The following DNM3 variants were observed in gnomAD, a reference collection of about 807,000 sequenced individuals.
DNM3 encodes the protein dynamin 3.
Under a neutral mutation model 101.6 loss-of-function variants are expected in DNM3, and 47 were observed. The observed-to-expected ratio is 0.46, with a 90% CI of 0.37 to 0.59. DNM3 has a LOEUF of 0.59. Among genes scored for constraint, DNM3 ranks in the 20% least tolerant of loss-of-function variants. The pLI, the probability that DNM3 is intolerant of heterozygous loss-of-function variation, is 0.00. For synonymous variants in DNM3, 385 were observed against 387.9 expected (o/e 0.99, Z 0.09); for missense variants, 849 against 1,085.7 (o/e 0.78, Z 3.06).
At chr1:171,926,308 A>G (rs1571650395) in intron 2 of DNM3, among the ~76,000 whole-genome samples, 1 of 152,218 alleles carries the variant, frequency 6.6e-6, no homozygotes, top group South Asian at 2.1e-4. Context: ...TTTGGGCAGT[A>G]TAGTCATTTT....
At chr1:172,224,721 G>T in intron 14 of DNM3, among the ~76,000 whole-genome samples, 1 of 152,176 alleles carries the variant, frequency 6.6e-6, no homozygotes. Context: ...ATAGTTTGTG[G>T]TTTTCAAACT....
At chr1:172,120,009 C>T (rs1177734146) in intron 13 of DNM3, among the ~76,000 whole-genome samples, 1 of 152,192 alleles carries the variant, frequency 6.6e-6, no homozygotes, top group Non-Finnish European at 1.5e-5. Flanking sequence ...AGTCAACTAT[C>T]AATCACCCTG....
At chr1:172,231,019 G>C (rs933742221) in intron 14 of DNM3, among the ~76,000 whole-genome samples, 1 of 151,646 alleles carries the variant, frequency 6.6e-6, no homozygotes, top group Non-Finnish European at 1.5e-5. Context: ...TAGGAGTTCA[G>C]CTCCTAGATG....
chr1:171,935,769 CTTTTTT>C (rs551030808), intron 2 of DNM3, among the ~76,000 whole-genome samples: 17 of 47,990 alleles, frequency 3.5e-4, no homozygotes, highest in Non-Finnish European at 6.2e-4. Context: ...CAAATCAAAA[CTTTTTT>C]TTTTTTTTTT....
intron 17 of DNM3, among the ~76,000 whole-genome samples, chr1:172,378,617 C>A (rs890589282): frequency 1.3e-5 from 2 of 152,062 alleles, no homozygotes; most frequent in African/African-American, 4.8e-5. Context: ...AAGGTTATTT[C>A]TAATCTATAG....
intron 7 of DNM3, among the ~76,000 whole-genome samples, chr1:172,041,258 A>G (rs555851821): frequency 1.3e-5 from 2 of 152,158 alleles, no homozygotes; most frequent in Non-Finnish European, 2.9e-5. Flanking sequence ...AATTACCTAC[A>G]ACTGGTGGCT....
At chr1:172,207,372 C>T (rs1042470952) in intron 14 of DNM3, among the ~76,000 whole-genome samples, 11 of 152,044 alleles carry the variant, frequency 7.2e-5, no homozygotes, top group African/African-American at 2.7e-4. Flanking sequence ...TTAGGTAACT[C>T]CACCCTAACT....
At chr1:172,231,799 C>T (rs1018098093) in intron 14 of DNM3, among the ~76,000 whole-genome samples, 1 of 152,130 alleles carries the variant, frequency 6.6e-6, no homozygotes, top group African/African-American at 2.4e-5. Context: ...GATGAATGCA[C>T]AAGCTTCAGT....
chr1:172,251,566 C>T (rs960738423), intron 14 of DNM3, among the ~76,000 whole-genome samples: 1 of 152,004 alleles, frequency 6.6e-6, no homozygotes, highest in African/African-American at 2.4e-5. Flanking sequence ...TTTTCATGTT[C>T]CCCAGGCTGC....
intron 11 of DNM3, among the ~76,000 whole-genome samples, chr1:172,075,211 G>A (rs951160570): frequency 5.3e-5 from 8 of 151,372 alleles, no homozygotes; most frequent in African/African-American, 1.7e-4. Flanking sequence ...CTGGATATTA[G>A]CCCTTTGTCA....
intron 14 of DNM3, among the ~76,000 whole-genome samples, chr1:172,194,485 G>A (rs1314249924): frequency 6.6e-6 from 1 of 152,010 alleles, no homozygotes; most frequent in African/African-American, 2.4e-5. Context: ...ATTATTATAT[G>A]TGGGAGTCTA....
intron 17 of DNM3, among the ~76,000 whole-genome samples, chr1:172,375,333 GT>G (rs1165950235): frequency 3.3e-5 from 5 of 152,038 alleles, no homozygotes; most frequent in Non-Finnish European, 5.9e-5. Context: ...TTGTCTCACA[GT>G]ATTTGTAGAC....
At chr1:171,997,058 A>C (rs947784060) in intron 4 of DNM3, among the ~76,000 whole-genome samples, 1 of 152,062 alleles carries the variant, frequency 6.6e-6, no homozygotes, top group African/African-American at 2.4e-5. Flanking sequence ...CACTTAGTCG[A>C]AATAGCTAAC....
rs528238947 is a variant in DNM3, at chr1:172,255,294, C to T, written c.1769+1612C>T. Among the ~76,000 whole-genome samples the T allele has an allele frequency of 3.3e-5, 5 of 152,126 alleles. No homozygotes were observed. In the East Asian group the frequency reaches 9.7e-4, roughly 29 times the overall value. ...CTAGAGAGAATAGTAGTGAGTCTGC[C>T]ACACTGCAGCCAAGCTCAGTACTAG... On this transcript the variant is annotated intron_variant, in intron 15 of 20. Coordinates refer to ENST00000627582, the MANE Select transcript of DNM3 (RefSeq NM_015569.5).
At chr1:172,163,019 A>G (rs562103292) in intron 14 of DNM3, among the ~76,000 whole-genome samples, 1 of 152,212 alleles carries the variant, frequency 6.6e-6, no homozygotes, top group East Asian at 1.9e-4. Context: ...TATTTTTCTT[A>G]CAGCTTTACT....
At chr1:172,320,770 T>C (rs2065674595) in intron 16 of DNM3, among the ~76,000 whole-genome samples, 1 of 152,090 alleles carries the variant, frequency 6.6e-6, no homozygotes, top group Non-Finnish European at 1.5e-5. Flanking sequence ...CCAGCCTCCA[T>C]CGGTTAGTCA....
chr1:172,062,661 A>G (rs1308821840), intron 10 of DNM3, among the ~76,000 whole-genome samples: 2 of 152,086 alleles, frequency 1.3e-5, no homozygotes, highest in African/African-American at 4.8e-5. Context: ...CTTCCTGCCA[A>G]CTTCACTTTG....
intron 1 of DNM3, among the ~76,000 whole-genome samples, chr1:171,848,234 C>A (rs990121805): frequency 7.2e-5 from 11 of 152,094 alleles, no homozygotes; most frequent in African/African-American, 2.7e-4. Flanking sequence ...ATTGGGCCAG[C>A]CTTTTTCTCT....
intron 1 of DNM3, among the ~76,000 whole-genome samples, chr1:171,847,453 GACA>G (rs1293380055): frequency 2.6e-5 from 4 of 151,984 alleles, no homozygotes; most frequent in East Asian, 1.9e-4. Flanking sequence ...TTTCTGAGTT[GACA>G]ACAAGGCATT....
Sources: allele counts gnomAD v4.1 joint callset (sites outside exome capture counted in the v4.1 genomes callset), GRCh38; gene constraint gnomAD v4.1.1; transcripts MANE v1.5; gene names NCBI Gene and HGNC (gene_info 2026-07-23, HGNC 2026-07-21).